Variants in RASSF6 observed in about 807,000 individuals in gnomAD.
RASSF6 encodes ras association domain-containing protein 6.
A neutral mutation model predicts 44.0 loss-of-function variants in RASSF6; 52 were observed. That is an observed-to-expected ratio of 1.18 (90% CI 0.95 to 1.49). The LOEUF is 1.49. RASSF6 is among the 40% of genes most tolerant of loss of function. The pLI is 0.00. For missense variants in RASSF6, 464 were observed against 393.3 expected (o/e 1.18, Z -1.52); for synonymous variants, 162 against 124.6 (o/e 1.30, Z -2.00).
At chr4:73,605,997 G>A (rs1725597194) in intron 2 of RASSF6, among the ~76,000 whole-genome samples, 1 of 152,168 alleles carries the variant, frequency 6.6e-6, no homozygotes, top group Non-Finnish European at 1.5e-5. Flanking sequence ...ACTGTGGAAA[G>A]CAGTTTGGAG....
chr4:73,582,206 GT>G lies in RASSF6; in HGVS notation c.651del (p.Gln217HisfsTer29). On this transcript the variant is annotated frameshift_variant, in exon 7 of 11. Transcript: ENST00000307439. LOFTEE classifies it high-confidence loss of function. Reference protein sequence around the residue: ...SNMRTEEVIKQLLQKFKIENS... With the variant: ...SNMRTEEVIKXLLQKFKIENS... Reference sequence around the variant, plus strand: ...AAGGTTACCTTAAATTTTTGGAGAAGTTGCTTTATTACTTCTTCAGTTCTCA... The same window carrying G: ...AAGGTTACCTTAAATTTTTGGAGAAGTGCTTTATTACTTCTTCAGTTCTCA... 1 of 1,562,152 alleles carries G rather than the reference GT, an allele frequency of 6.4e-7. No individual in the cohort carries two copies. Among genetic ancestry groups the G allele is most frequent in the Non-Finnish European group, 8.8e-7 (1 of 1,141,914 alleles).
At chr4:73,611,220 T>C (rs551738484) in intron 2 of RASSF6, among the ~76,000 whole-genome samples, 3 of 152,316 alleles carry the variant, frequency 2.0e-5, no homozygotes, top group Non-Finnish European at 2.9e-5. Flanking sequence ...TCTACTCTTA[T>C]AGCTTTTAAG....
chr4:73,616,746 G>T (rs975978860), intron 1 of RASSF6, among the ~76,000 whole-genome samples: 4 of 152,148 alleles, frequency 2.6e-5, no homozygotes, highest in Admixed American at 6.5e-5. Flanking sequence ...TATGAGATAA[G>T]AGTATGTTAA....
At chr4:73,588,161 G>A (rs10019320) in intron 4 of RASSF6, among the ~76,000 whole-genome samples, 42,222 of 151,760 alleles carry the variant, frequency 0.28, 6,098 homozygotes, top group Admixed American at 0.41. Flanking sequence ...TCTTTTTGAC[G>A]TAATAATTCA....
Position 73,576,185 on chromosome 4 carries a change from G to A in RASSF6, c.*50C>T. 1 of 1,004,178 alleles carries A rather than the reference G, an allele frequency of 1.0e-6. No individual in the cohort carries two copies. Among genetic ancestry groups the A allele is most frequent in the East Asian group, 2.4e-5 (1 of 41,778 alleles). 62.2% of individuals were successfully genotyped at this position (1,004,178 alleles called of 1,614,324 possible). A position where few individuals can be genotyped will look rare whatever the true frequency, so the allele number is the denominator to read the frequency against. ...ACAGAACTTATGCATTCATCAAAGA[G>A]TAATATCTCTGAGTTTTTTGAAATG... On this transcript the variant is annotated 3_prime_UTR_variant, in exon 11 of 11. Coordinates refer to ENST00000307439, the MANE Select transcript of RASSF6 (RefSeq NM_177532.5).
upstream of RASSF6, chr4:73,620,593 G>A (rs1726640740): frequency 6.3e-6 from 6 of 959,068 alleles, no homozygotes; most frequent in Admixed American, 1.8e-4. Flanking sequence ...CCACAGCAGG[G>A]AAGTGTCAAG....
At chr4:73,619,514 C>T (rs1007338300) in intron 1 of RASSF6, among the ~76,000 whole-genome samples, 1 of 152,158 alleles carries the variant, frequency 6.6e-6, no homozygotes, top group Admixed American at 6.5e-5. Context: ...ATTCTTAATG[C>T]TAACAGTAGG....
chr4:73,619,839 TA>T (rs1726584759), intron 1 of RASSF6, among the ~76,000 whole-genome samples: 2 of 152,054 alleles, frequency 1.3e-5, no homozygotes, highest in Admixed American at 1.3e-4. Flanking sequence ...CAGAAACAAA[TA>T]AAAGTTGAGC....
In RASSF6 at chr4:73,587,898, A is replaced by C; in HGVS notation, c.324T>G (p.Arg108=). Residue 108 remains arginine (R), a synonymous_variant, in exon 5 of 11, where the codon CGT becomes CGG. Transcript: ENST00000307439. ...TCTGGGTCCTGTCCAGCTCACTAATACGATAGAGATCGTCAAATTCCCCCC... is the reference window on the plus strand; with the variant it reads ...TCTGGGTCCTGTCCAGCTCACTAATCCGATAGAGATCGTCAAATTCCCCCC... ...TRWGEFDDLY[R]ISELDRTQIP... 1 of 1,610,444 alleles carries C rather than the reference A, an allele frequency of 6.2e-7. No homozygotes were observed.
intron 2 of RASSF6, among the ~76,000 whole-genome samples, chr4:73,605,637 CTG>C (rs1167590060): frequency 6.6e-6 from 1 of 152,200 alleles, no homozygotes; most frequent in African/African-American, 2.4e-5. Context: ...AGTCTGGAAA[CTG>C]AGAAATTTGT....
chr4:73,576,843 C>T, intron 8 of RASSF6, 112 bp from the exon 9 acceptor site: 1 of 679,336 alleles, frequency 1.5e-6, no homozygotes, highest in African/African-American at 1.8e-5. Context: ...AAAAATAACA[C>T]CTGCAACAGG....
Position 73,611,737 on chromosome 4 carries a change from A to G in RASSF6, c.59T>C (p.Ile20Thr). ...SWIFINEKTFITREQLNSLLK... is the reference protein window; with the variant it reads ...SWIFINEKTFTTREQLNSLLK... ...ATATAAGGTGTGTGGTTACCTGGTT[A>G]TGAATGTCTTCTCATTAATGAAGAT... The change falls in exon 2 of 11, where the codon ATA (isoleucine) becomes ACA (threonine). Residue 20 changes from isoleucine (I) to threonine (T), a missense_variant. Ile to Thr is a moderately conservative substitution (Grantham distance 89, BLOSUM62 -1). Coordinates refer to ENST00000307439, the MANE Select transcript of RASSF6 (RefSeq NM_177532.5). The G allele has an allele frequency of 1.3e-6, 2 of 1,599,676 alleles. No individual in the cohort carries two copies. The highest frequency in any genetic ancestry group is 2.2e-5 in the South Asian group (2 of 90,654).
chr4:73,607,520 C>G (rs2149393659), intron 2 of RASSF6, among the ~76,000 whole-genome samples: 1 of 152,314 alleles, frequency 6.6e-6, no homozygotes, highest in East Asian at 1.9e-4. Flanking sequence ...CTTGTTTAAA[C>G]TAGGGCTTTG....
At chr4:73,620,233 A>G (rs942499868) in intron 1 of RASSF6, 55 bp downstream of exon 1, 1 of 1,213,858 alleles carries the variant, frequency 8.2e-7, no homozygotes, top group Non-Finnish European at 1.1e-6. Context: ...ACTTGCCCTC[A>G]ACATGACCCC....
chr4:73,609,685 C>T (rs575054179), intron 2 of RASSF6, among the ~76,000 whole-genome samples: 1 of 152,250 alleles, frequency 6.6e-6, no homozygotes, highest in South Asian at 2.1e-4. Context: ...TTTACCACAA[C>T]AATGCCTAGT....
chr4:73,587,465 G>C (rs542198993), intron 5 of RASSF6, among the ~76,000 whole-genome samples: 1 of 152,166 alleles, frequency 6.6e-6, no homozygotes, highest in African/African-American at 2.4e-5. Context: ...TAGGTCTGAT[G>C]GGCTTGGCCT....
At chr4:73,616,267 A>ATC (rs1726357957) in intron 1 of RASSF6, among the ~76,000 whole-genome samples, 2 of 151,868 alleles carry the variant, frequency 1.3e-5, no homozygotes, top group African/African-American at 2.4e-5. Flanking sequence ...CTATCTATCT[A>ATC]TACATATATA....
chr4:73,615,763 G>A lies in RASSF6; in HGVS notation c.-34-3934C>T, dbSNP rs974862273. ...GGAGAGGTAGAATTGGTCTGAACAA[G>A]CCAATGAGATCTGGATGGAGCCTGA... On this transcript the variant is annotated intron_variant, in intron 1 of 10. Transcript: ENST00000307439. The A allele has an allele frequency of 8.3e-6, 6 of 726,920 alleles. No homozygotes were observed. The African/African-American group carries it at 8.9e-5, about 11-fold the overall frequency. 45.0% of individuals were successfully genotyped at this position (726,920 alleles called of 1,614,324 possible).
At chr4:73,594,452 T>G (rs938239313) in intron 3 of RASSF6, among the ~76,000 whole-genome samples, 10 of 152,374 alleles carry the variant, frequency 6.6e-5, no homozygotes, top group East Asian at 5.8e-4. Context: ...CAGACAGACC[T>G]GTGCTCAAAC....
Sources: gnomAD v4.1 joint callset for allele counts (sites outside exome capture counted in the v4.1 genomes callset) on GRCh38, gnomAD v4.1.1 for gene constraint, MANE v1.5 for transcripts, NCBI Gene and HGNC (gene_info 2026-07-23, HGNC 2026-07-21) for gene names.